KSR1: variants seen among roughly 807,000 people sequenced by gnomAD.
KSR1 encodes kinase suppressor of ras.
KSR1 carries 35 observed loss-of-function variants against 92.9 expected under a neutral mutation model. The observed-to-expected ratio is 0.38, with a 90% CI of 0.29 to 0.50. The LOEUF is 0.50. Ranked by LOEUF, KSR1 falls within the 20% of genes least tolerant of loss-of-function variation. KSR1 has a pLI of 0.94. For synonymous variants in KSR1, 467 were observed against 472.6 expected (o/e 0.99, Z 0.15); for missense variants, 972 against 1,158.5 (o/e 0.84, Z 2.34).
intron 9 of KSR1, among the ~76,000 whole-genome samples, chr17:27,594,296 C>T (rs1421520394): frequency 6.6e-6 from 1 of 152,082 alleles, no homozygotes; most frequent in Non-Finnish European, 1.5e-5. Context: ...TTTCCCAGCC[C>T]GTCACAGATA....
chr17:27,478,825 G>A lies in KSR1; in HGVS notation c.231+21951G>A, dbSNP rs190268782. Among the ~76,000 whole-genome samples the A allele has an allele frequency of 7.4e-4, 113 of 152,200 alleles. 1 individual carries two copies. The highest frequency in any genetic ancestry group is 2.6e-3 in the African/African-American group (109 of 41,506). On this transcript the variant is annotated intron_variant, in intron 1 of 20. Transcript: ENST00000644974. ...TGACCCTGGGCAGGTCCCCTCCTGG[G>A]AATCCATTTCCTAATCTGTGAAATA...
chr17:27,532,930 C>G (rs563843577), intron 1 of KSR1, among the ~76,000 whole-genome samples: 30 of 152,308 alleles, frequency 2.0e-4, no homozygotes, highest in African/African-American at 7.0e-4. Context: ...GGGCATCAGC[C>G]TCTTATGAGT....
chr17:27,489,185 G>T (rs968021644), intron 1 of KSR1, among the ~76,000 whole-genome samples: 3 of 152,256 alleles, frequency 2.0e-5, no homozygotes, highest in Admixed American at 2.0e-4. Flanking sequence ...GCCCGTGGGA[G>T]AGTGTAGGAT....
intron 10 of KSR1, among the ~76,000 whole-genome samples, chr17:27,598,898 A>C (rs2073443655): frequency 6.6e-6 from 1 of 152,068 alleles, no homozygotes; most frequent in African/African-American, 2.4e-5. Flanking sequence ...CCGGTGGTTC[A>C]GCTGGAGAAG....
At chr17:27,605,135 G>T (rs2073705641) in intron 13 of KSR1, among the ~76,000 whole-genome samples, 1 of 152,256 alleles carries the variant, frequency 6.6e-6, no homozygotes, top group Non-Finnish European at 1.5e-5. Flanking sequence ...CTATGCCAGG[G>T]ATGCTCTTGC....
Position 27,625,548 on chromosome 17 carries a change from G to T in KSR1, c.*2156G>T, listed in dbSNP as rs911517968. 5 of 152,228 alleles carry T rather than the reference G, an allele frequency of 3.3e-5. No homozygotes were observed. The highest frequency in any genetic ancestry group is 1.2e-4 in the African/African-American group (5 of 41,440). 9.4% of individuals were successfully genotyped at this position (152,228 alleles called of 1,614,324 possible). ...GCCCCAAAGGTGGAACTGAAGGACT[G>T]GGGGCAGCTGGCTCTCAGCCTGCCA... On this transcript the variant is annotated 3_prime_UTR_variant, in exon 21 of 21. Coordinates refer to ENST00000644974, the MANE Select transcript of KSR1 (RefSeq NM_001394583.1).
Position 27,539,957 on chromosome 17 carries a change from T to G in KSR1, c.232-10611T>G, listed in dbSNP as rs1029006860. ...TTTGGTTCTGCTGCATCTCACAACC[T>G]CCGTGGCACATAAAATGGCCTAGCA... is the stretch of plus-strand genomic sequence containing the variant. On this transcript the variant is annotated intron_variant, in intron 1 of 20. Coordinates refer to ENST00000644974, the MANE Select transcript of KSR1 (RefSeq NM_001394583.1). 3.9e-5 allele frequency among the ~76,000 whole-genome samples: 6 copies of G among 152,230 alleles called. No homozygotes were observed. The South Asian group carries it at 1.0e-3, about 26-fold the overall frequency.
intron 2 of KSR1, among the ~76,000 whole-genome samples, chr17:27,568,519 C>T (rs561262720): frequency 2.0e-5 from 3 of 152,304 alleles, no homozygotes; most frequent in African/African-American, 7.2e-5. Context: ...GGAGGGGACT[C>T]GTCTGACCAT....
chr17:27,610,617 A>G (rs554160746), intron 17 of KSR1, among the ~76,000 whole-genome samples: 1 of 152,334 alleles, frequency 6.6e-6, no homozygotes, highest in African/African-American at 2.4e-5. Context: ...ACCAGTAGCA[A>G]TATAATGTGA....
intron 1 of KSR1, among the ~76,000 whole-genome samples, chr17:27,516,510 C>A (rs1281563157): frequency 6.6e-6 from 1 of 152,022 alleles, no homozygotes; most frequent in Non-Finnish European, 1.5e-5. Flanking sequence ...AGAGTAGAGT[C>A]TCCCTCCCCC....
intron 1 of KSR1, among the ~76,000 whole-genome samples, chr17:27,532,790 A>G (rs925830466): frequency 1.3e-5 from 2 of 152,116 alleles, no homozygotes; most frequent in Non-Finnish European, 2.9e-5. Flanking sequence ...GGGGCTCCTC[A>G]CCAGTATTCG....
rs1310363540 is a variant in KSR1 at position 27,456,731 on chromosome 17, G to T, written c.88G>T (p.Ala30Ser). 21 of 1,356,312 alleles carry T rather than the reference G, an allele frequency of 1.5e-5. No homozygotes were observed. The highest frequency in any genetic ancestry group is 5.7e-5 in the African/African-American group (4 of 69,696). 84.0% of individuals were successfully genotyped at this position (1,356,312 alleles called of 1,614,324 possible). ...GGATGCGGCGGCCGCGGAGGGAGGC[G>T]CAGGGGCCGCGGCCAGCCGGGCGCT... ...GGDAAAAEGG[A>S]GAAASRALQQ... Residue 30 changes from alanine to serine, a missense_variant, in exon 1 of 21, where the codon GCA becomes TCA. Transcript: ENST00000644974.
intron 5 of KSR1, 106 bp downstream of exon 5, chr17:27,585,767 C>T (rs1795167256): frequency 2.8e-6 from 2 of 718,270 alleles, no homozygotes; most frequent in East Asian, 2.7e-5. Flanking sequence ...CCCGTTCAGC[C>T]TCTCCATAGT....
At chr17:27,475,638 G>A (rs116843649) in intron 1 of KSR1, among the ~76,000 whole-genome samples, 3 of 152,274 alleles carry the variant, frequency 2.0e-5, no homozygotes, top group Admixed American at 6.5e-5. Flanking sequence ...ATGCCCTTCC[G>A]TCCACCCCAT....
chr17:27,617,195 C>G, intron 18 of KSR1, 100 bp from the exon 19 acceptor site: 1 of 1,320,408 alleles, frequency 7.6e-7, no homozygotes, highest in Non-Finnish European at 1.0e-6. Flanking sequence ...AGTTAGAGGG[C>G]ACTTGAGAAC....
At chr17:27,556,433 G>A (rs1354802736) in intron 2 of KSR1, among the ~76,000 whole-genome samples, 1 of 151,884 alleles carries the variant, frequency 6.6e-6, no homozygotes, top group South Asian at 2.1e-4. Context: ...TGTTGCCCAG[G>A]CTGATCTTGA....
intron 6 of KSR1, among the ~76,000 whole-genome samples, chr17:27,589,359 G>C (rs1403872730): frequency 1.3e-5 from 2 of 152,076 alleles, no homozygotes; most frequent in African/African-American, 4.8e-5. Context: ...TTTGGCCTCT[G>C]CTGGACCAGT....
intron 1 of KSR1, among the ~76,000 whole-genome samples, chr17:27,547,216 G>A (rs1221637724): frequency 6.6e-6 from 1 of 152,174 alleles, no homozygotes; most frequent in Non-Finnish European, 1.5e-5. Flanking sequence ...TTTTCTGGGG[G>A]AAATTTCAAA....
chr17:27,592,758 GC>G (rs573081789), intron 9 of KSR1, 132 bp downstream of exon 9: 6 of 702,522 alleles, frequency 8.5e-6, no homozygotes, highest in South Asian at 3.8e-5. Context: ...CCAGAGGGTG[GC>G]CTTGGGGATC....
Sources: gnomAD v4.1 joint callset for allele counts (sites outside exome capture counted in the v4.1 genomes callset) on GRCh38, gnomAD v4.1.1 for gene constraint, MANE v1.5 for transcripts, NCBI Gene and HGNC (gene_info 2026-07-23, HGNC 2026-07-21) for gene names.